Variants in TACR1 observed in about 807,000 individuals in gnomAD.
TACR1 encodes substance-P receptor.
TACR1 carries 25 observed loss-of-function variants against 35.8 expected under a neutral mutation model. The ratio of observed to expected loss-of-function variants is 0.70; its 90% CI spans 0.51 to 0.98. TACR1 has a LOEUF of 0.98. Among genes scored for constraint, TACR1 ranks in the 50% least tolerant of loss-of-function variants. The pLI is 0.00. For synonymous variants in TACR1, 195 were observed against 206.7 expected, an observed-to-expected ratio of 0.94 and a Z score of 0.48; for missense variants, 478 against 522.9, an observed-to-expected ratio of 0.91 and a Z score of 0.84.
intron 1 of TACR1, among the ~76,000 whole-genome samples, chr2:75,161,770 G>T (rs1019970607): frequency 2.0e-5 from 3 of 151,866 alleles, no homozygotes; most frequent in Admixed American, 6.6e-5. Flanking sequence ...GACTCTAAAA[G>T]GTCAGAAGCA....
intron 2 of TACR1, among the ~76,000 whole-genome samples, chr2:75,068,520 CAAT>C (rs1672812540): frequency 6.6e-6 from 1 of 152,144 alleles, no homozygotes; most frequent in Non-Finnish European, 1.5e-5. Context: ...ATTCTAGTAA[CAAT>C]AATAATAACT....
rs114063870 is a variant in TACR1 at position 75,191,911 on chromosome 2, C to G, written c.389+6635G>C. Reference sequence around the variant, plus strand: ...GAACAGGAAACAAAATAAGGGATCCCTGTTTTCATGGAGCTTGCAATCTAG... The same window carrying G: ...GAACAGGAAACAAAATAAGGGATCCGTGTTTTCATGGAGCTTGCAATCTAG... On this transcript the variant is annotated intron_variant, in intron 1 of 4. Coordinates refer to ENST00000305249, the MANE Select transcript of TACR1 (RefSeq NM_001058.4). 5.4e-3 allele frequency among the ~76,000 whole-genome samples: 820 copies of G among 152,134 alleles called. 8 individuals are homozygous for G. Among genetic ancestry groups the G allele is most frequent in the African/African-American group, 0.019 (774 of 41,488 alleles).
intron 2 of TACR1, among the ~76,000 whole-genome samples, chr2:75,115,081 A>G (rs1400492936): frequency 2.2e-5 from 2 of 89,424 alleles, no homozygotes; most frequent in African/African-American, 5.8e-5. Context: ...ATTTGTTAAC[A>G]TACGTGTGTG....
chr2:75,124,089 G>A (rs1178593050), intron 1 of TACR1, among the ~76,000 whole-genome samples: 1 of 152,216 alleles, frequency 6.6e-6, no homozygotes, highest in Non-Finnish European at 1.5e-5. Context: ...ATCTGGAGGC[G>A]TGTGGGATAT....
chr2:75,180,815 G>C (rs1675542961), intron 1 of TACR1, among the ~76,000 whole-genome samples: 1 of 152,178 alleles, frequency 6.6e-6, no homozygotes, highest in African/African-American at 2.4e-5. Context: ...GTATACTGCT[G>C]AGGTCATGTG....
chr2:75,194,752 G>A (rs575441133), intron 1 of TACR1, among the ~76,000 whole-genome samples: 11 of 152,144 alleles, frequency 7.2e-5, no homozygotes, highest in Non-Finnish European at 1.5e-4. Context: ...ATTTTATTTG[G>A]AGTCTGAGTG....
chr2:75,190,129 C>T (rs980803186), intron 1 of TACR1, among the ~76,000 whole-genome samples: 1 of 152,256 alleles, frequency 6.6e-6, no homozygotes, highest in Non-Finnish European at 1.5e-5. Context: ...CTAAAAAACA[C>T]TGTAACTTCA....
chr2:75,138,551 A>C (rs1439762141), intron 1 of TACR1, among the ~76,000 whole-genome samples: 2 of 152,162 alleles, frequency 1.3e-5, no homozygotes, highest in African/African-American at 4.8e-5. Flanking sequence ...GAACAGGCCC[A>C]TCCAGGTGGG....
intron 1 of TACR1, among the ~76,000 whole-genome samples, chr2:75,177,454 A>G (rs1191426780): frequency 2.6e-5 from 4 of 152,188 alleles, no homozygotes; most frequent in African/African-American, 9.7e-5. Context: ...CTTTGTTATC[A>G]ACAATAACTA....
At chr2:75,148,899 T>C (rs184456643) in intron 1 of TACR1, among the ~76,000 whole-genome samples, 24 of 152,226 alleles carry the variant, frequency 1.6e-4, no homozygotes, top group Non-Finnish European at 5.9e-5. Flanking sequence ...ATTTTTTGTA[T>C]AAGGTGTAAG....
intron 2 of TACR1, among the ~76,000 whole-genome samples, chr2:75,107,962 G>T (rs1043758926): frequency 1.8e-5 from 2 of 114,024 alleles, no homozygotes; most frequent in Admixed American, 8.0e-5. Flanking sequence ...ATGTATAATT[G>T]TATGTTATTA....
chr2:75,193,682 T>C (rs77846085), intron 1 of TACR1, among the ~76,000 whole-genome samples: 1 of 152,116 alleles, frequency 6.6e-6, no homozygotes, highest in Admixed American at 6.5e-5. Flanking sequence ...TCTCTAAAAA[T>C]CTTATCTAAT....
rs528687952 is a variant in TACR1 at position 75,070,833 on chromosome 2, A to G, written c.585-17078T>C. ...GTCAGACATGGACCCAGACCCTCCA[A>G]TTCCATGGGCTCCATGTCCTAGTCC... On this transcript the variant is annotated intron_variant, in intron 2 of 4. Coordinates refer to ENST00000305249, the MANE Select transcript of TACR1 (RefSeq NM_001058.4). 6.2e-4 allele frequency among the ~76,000 whole-genome samples: 95 copies of G among 152,338 alleles called. 2 individuals are homozygous for G. The South Asian group carries it at 0.019, about 31-fold the overall frequency.
intron 2 of TACR1, among the ~76,000 whole-genome samples, chr2:75,068,453 C>T (rs1672811045): frequency 6.6e-6 from 1 of 152,120 alleles, no homozygotes; most frequent in African/African-American, 2.4e-5. Flanking sequence ...AATTAACCAT[C>T]ATAAGGGCAC....
intron 2 of TACR1, among the ~76,000 whole-genome samples, chr2:75,054,205 A>G (rs1672529547): frequency 6.6e-6 from 1 of 152,242 alleles, no homozygotes; most frequent in Non-Finnish European, 1.5e-5. Flanking sequence ...CATACCCGCC[A>G]GACTACACTT....
At chr2:75,145,603 A>C (rs1168556442) in intron 1 of TACR1, among the ~76,000 whole-genome samples, 1 of 152,256 alleles carries the variant, frequency 6.6e-6, no homozygotes, top group Non-Finnish European at 1.5e-5. Flanking sequence ...TAATGGAAAT[A>C]AGTTCACAAT....
chr2:75,106,663 A>G (rs1673649827), intron 2 of TACR1, among the ~76,000 whole-genome samples: 1 of 151,998 alleles, frequency 6.6e-6, no homozygotes, highest in East Asian at 1.9e-4. Flanking sequence ...TTATGTCAAT[A>G]GTTGTCAATA....
intron 2 of TACR1, among the ~76,000 whole-genome samples, chr2:75,057,524 C>T (rs1007874145): frequency 3.9e-5 from 6 of 152,154 alleles, no homozygotes; most frequent in Non-Finnish European, 7.3e-5. Context: ...ATGACATGTG[C>T]GACAACATGG....
Position 75,049,506 on chromosome 2 carries a change from A to G in TACR1, c.1150T>C (p.Ser384Pro), listed in dbSNP as rs745548764. Reference protein sequence around the residue: ...KATPSSLDLTSNCSSRSDSKT... With the variant: ...KATPSSLDLTPNCSSRSDSKT... ...GAGTCACTTCGTGAAGAGCAGTTGG[A>G]GGTCAGGTCCAGGGACGAGGGTGTG... The change falls in exon 5 of 5, where the codon TCC becomes CCC. Residue 384 changes from serine (S) to proline (P), a missense_variant. Transcript: ENST00000305249. The G allele has an allele frequency of 3.7e-6, 6 of 1,614,158 alleles. No homozygotes were observed. The East Asian group carries it at 1.3e-4, about 36-fold the overall frequency.
Sources: gnomAD v4.1 joint callset for allele counts (sites outside exome capture counted in the v4.1 genomes callset) on GRCh38, gnomAD v4.1.1 for gene constraint, MANE v1.5 for transcripts, NCBI Gene and HGNC (gene_info 2026-07-23, HGNC 2026-07-21) for gene names.